Variants in ACER3 observed in about 807,000 individuals in gnomAD.
ACER3 encodes alkaline ceramidase 3.
In ACER3, 16 loss-of-function variants were observed where a neutral mutation model predicts 48.9. The observed-to-expected ratio is 0.33, with a 90% CI of 0.22 to 0.50. ACER3 has a LOEUF of 0.50. Ranked by LOEUF, ACER3 falls within the 20% of genes least tolerant of loss-of-function variation. The pLI, the probability that ACER3 is intolerant of heterozygous loss-of-function variation, is 0.98. For synonymous variants in ACER3, 109 were observed against 107.8 expected, an observed-to-expected ratio of 1.01 and a Z score of -0.07; for missense variants, 227 against 326.0, an observed-to-expected ratio of 0.70 and a Z score of 2.34.
intron 2 of ACER3, among the ~76,000 whole-genome samples, chr11:76,945,078 A>G (rs1469349450): frequency 6.7e-6 from 1 of 149,894 alleles, no homozygotes; most frequent in African/African-American, 2.5e-5. Flanking sequence ...TTTGTTTAAG[A>G]TATTTATCTC....
At chr11:76,913,459 G>A (rs1004826243) in intron 1 of ACER3, among the ~76,000 whole-genome samples, 14 of 152,110 alleles carry the variant, frequency 9.2e-5, no homozygotes, top group African/African-American at 1.9e-4. Flanking sequence ...GTTTTCAAAG[G>A]GAATGCTTCC....
At chr11:76,948,417 T>C (rs935606939) in intron 2 of ACER3, among the ~76,000 whole-genome samples, 1 of 152,192 alleles carries the variant, frequency 6.6e-6, no homozygotes, top group African/African-American at 2.4e-5. Flanking sequence ...AAGTCCAAAC[T>C]TCTTAGGACA....
chr11:76,872,394 C>T (rs1316236658), intron 1 of ACER3, among the ~76,000 whole-genome samples: 1 of 152,070 alleles, frequency 6.6e-6, no homozygotes, highest in Non-Finnish European at 1.5e-5. Flanking sequence ...GCCATTTAAT[C>T]CCAAAACTAT....
intron 2 of ACER3, among the ~76,000 whole-genome samples, chr11:76,954,589 T>A (rs1488275575): frequency 6.8e-6 from 1 of 148,102 alleles, no homozygotes; most frequent in African/African-American, 2.5e-5. Flanking sequence ...GTGGTTTGGT[T>A]GGTTTTTTTT....
At chr11:76,992,937 C>T (rs910762864) in intron 6 of ACER3, among the ~76,000 whole-genome samples, 1 of 151,888 alleles carries the variant, frequency 6.6e-6, no homozygotes. Context: ...GGCTCAATCA[C>T]AGCTCACTAC....
intron 2 of ACER3, chr11:76,958,778 A>C (rs1947910785): frequency 1.7e-6 from 1 of 579,688 alleles, no homozygotes; most frequent in African/African-American, 1.9e-5. Context: ...GGAATTTAGG[A>C]GAACTTATAT....
intron 1 of ACER3, among the ~76,000 whole-genome samples, chr11:76,902,059 C>T: frequency 6.7e-6 from 1 of 150,332 alleles, no homozygotes; most frequent in Admixed American, 6.6e-5. Context: ...TTTTTTTTTT[C>T]CAGAATAGGG....
intron 1 of ACER3, among the ~76,000 whole-genome samples, chr11:76,925,864 T>C (rs773447770): frequency 2.0e-4 from 31 of 152,248 alleles, no homozygotes; most frequent in Non-Finnish European, 2.8e-4. Context: ...TGGAAAATAT[T>C]GTGCCCCTTT....
chr11:77,020,155 A>T, intron 10 of ACER3, 119 bp from the exon 11 acceptor site: 6 of 974,830 alleles, frequency 6.2e-6, no homozygotes, highest in Non-Finnish European at 7.8e-6. Context: ...TAATACCAGG[A>T]CAATCACTAG....
intron 2 of ACER3, among the ~76,000 whole-genome samples, chr11:76,936,024 T>A (rs1483410978): frequency 6.6e-6 from 1 of 152,146 alleles, no homozygotes; most frequent in Non-Finnish European, 1.5e-5. Flanking sequence ...CCTGCATTAG[T>A]TTGTTTTCAT....
chr11:76,900,808 C>T (rs2134666979), intron 1 of ACER3, among the ~76,000 whole-genome samples: 1 of 152,324 alleles, frequency 6.6e-6, no homozygotes, highest in East Asian at 1.9e-4. Context: ...CTGCTAATTC[C>T]TGTGATGTAG....
At chr11:76,892,598 C>A (rs1945833046) in intron 1 of ACER3, among the ~76,000 whole-genome samples, 2 of 152,006 alleles carry the variant, frequency 1.3e-5, no homozygotes, top group African/African-American at 4.8e-5. Flanking sequence ...TCAGTGAGTA[C>A]CCTAGAAAAT....
chr11:76,972,712 A>G (rs181810845), intron 3 of ACER3, among the ~76,000 whole-genome samples: 216 of 152,092 alleles, frequency 1.4e-3, no homozygotes, highest in Non-Finnish European at 2.7e-3. Flanking sequence ...GGAGCCCCCA[A>G]CTGGGCATTC....
At chr11:76,996,784 G>A (rs1476292568) in intron 6 of ACER3, among the ~76,000 whole-genome samples, 3 of 139,932 alleles carry the variant, frequency 2.1e-5, no homozygotes, top group Non-Finnish European at 4.6e-5. Context: ...AGAGTGCAGT[G>A]GTGCAATCTT....
chr11:76,903,452 C>A (rs7103880), intron 1 of ACER3, among the ~76,000 whole-genome samples: 2 of 107,830 alleles, frequency 1.9e-5, no homozygotes, highest in East Asian at 6.7e-4. Flanking sequence ...CCCACCCCCC[C>A]ACCCGCCCCC....
intron 7 of ACER3, chr11:77,011,519 C>A: frequency 3.0e-6 from 1 of 329,896 alleles, no homozygotes; most frequent in Non-Finnish European, 4.3e-6. Context: ...TTGCCTTCCT[C>A]AAATGGGGGC....
chr11:76,864,894 C>G (rs1333756976), intron 1 of ACER3, among the ~76,000 whole-genome samples: 1 of 150,462 alleles, frequency 6.6e-6, no homozygotes, highest in Admixed American at 6.6e-5. Flanking sequence ...CTTCCATGCC[C>G]AGTTGTCTTT....
rs532850670 is a variant in ACER3 at position 76,948,085 on chromosome 11, G to T, written c.215-10894G>T. 3.3e-5 allele frequency among the ~76,000 whole-genome samples: 5 copies of T among 152,308 alleles called. No homozygotes were observed. The East Asian group carries it at 9.6e-4, about 29-fold the overall frequency. The stretch of plus-strand genomic sequence containing the variant: ...ATGTTTCATAGGGTTTTAGGCTGGA[G>T]CTAGAATTAGACAATAATTGAATAA... On this transcript the variant is annotated intron_variant, in intron 2 of 10. Transcript: ENST00000532485.
intron 2 of ACER3, among the ~76,000 whole-genome samples, chr11:76,948,239 G>A (rs987652696): frequency 5.3e-5 from 8 of 151,306 alleles, no homozygotes; most frequent in Non-Finnish European, 7.4e-5. Context: ...GTGTGTGTGT[G>A]TGTGTGTGTG....
Sources: gnomAD v4.1 joint callset for allele counts (sites outside exome capture counted in the v4.1 genomes callset) on GRCh38, gnomAD v4.1.1 for gene constraint, MANE v1.5 for transcripts, NCBI Gene and HGNC (gene_info 2026-07-23, HGNC 2026-07-21) for gene names.